Variants in NALF1 observed in about 807,000 individuals in gnomAD.
NALF1 encodes the protein family with sequence similarity 155 member A.
In NALF1, 3 loss-of-function variants were observed where a neutral mutation model predicts 48.4. That is an observed-to-expected ratio of 0.06 (90% CI 0.03 to 0.16). The LOEUF (loss-of-function observed/expected upper bound fraction) is 0.16. Among genes scored for constraint, NALF1 ranks in the 10% least tolerant of loss-of-function variants. The pLI is 1.00. For synonymous variants in NALF1, 262 were observed against 245.7 expected (o/e 1.07, Z -0.62); for missense variants, 526 against 571.5 (o/e 0.92, Z 0.81).
At chr13:107,175,063 G>C (rs2806523) in intron 2 of NALF1, among the ~76,000 whole-genome samples, 2 of 91,244 alleles carry the variant, frequency 2.2e-5, no homozygotes, top group Non-Finnish European at 4.4e-5. Flanking sequence ...TTTTTTTTTT[G>C]TATTTTTAGT....
At chr13:107,417,312 T>C (rs559071240) in intron 1 of NALF1, among the ~76,000 whole-genome samples, 1 of 152,294 alleles carries the variant, frequency 6.6e-6, no homozygotes, top group Non-Finnish European at 1.5e-5. Flanking sequence ...GAGTTCTTGT[T>C]CTATCAGGTA....
chr13:107,385,538 G>GC (rs1297298898), intron 1 of NALF1, among the ~76,000 whole-genome samples: 1 of 136,940 alleles, frequency 7.3e-6, no homozygotes, highest in Non-Finnish European at 1.5e-5. Context: ...GGGTGCCAGA[G>GC]CGAGATTCCA....
intron 1 of NALF1, among the ~76,000 whole-genome samples, chr13:107,778,780 T>C (rs1455366149): frequency 6.6e-6 from 1 of 152,096 alleles, no homozygotes; most frequent in Non-Finnish European, 1.5e-5. Flanking sequence ...TCCCCACTCA[T>C]TCATCAGGTC....
intron 1 of NALF1, among the ~76,000 whole-genome samples, chr13:107,421,459 A>G (rs973070353): frequency 6.6e-6 from 1 of 152,204 alleles, no homozygotes; most frequent in Non-Finnish European, 1.5e-5. Context: ...AAAAAACAGT[A>G]AATTATAAAT....
intron 1 of NALF1, among the ~76,000 whole-genome samples, chr13:107,227,978 GA>G (rs1345853664): frequency 2.6e-5 from 4 of 152,154 alleles, no homozygotes; most frequent in Non-Finnish European, 5.9e-5. Flanking sequence ...AGGAACCAAT[GA>G]AATCGCTATT....
At chr13:107,633,093 A>T (rs1879877316) in intron 1 of NALF1, among the ~76,000 whole-genome samples, 1 of 152,046 alleles carries the variant, frequency 6.6e-6, no homozygotes, top group African/African-American at 2.4e-5. Flanking sequence ...TTATTTTTGG[A>T]AACAGTCTTT....
intron 1 of NALF1, among the ~76,000 whole-genome samples, chr13:107,565,085 C>A (rs866360626): frequency 0.014 from 1,240 of 86,300 alleles, 20 homozygotes; most frequent in Middle Eastern, 0.06. Context: ...AAAAAAAAAA[C>A]CTAGCATAAG....
At chr13:107,390,210 T>C (rs1883600046) in intron 1 of NALF1, among the ~76,000 whole-genome samples, 1 of 151,960 alleles carries the variant, frequency 6.6e-6, no homozygotes, top group Non-Finnish European at 1.5e-5. Flanking sequence ...ATATAAAAAT[T>C]AGCCTGGCGT....
intron 1 of NALF1, among the ~76,000 whole-genome samples, chr13:107,254,062 A>AAAAAAAAAAAAATATATAT: frequency 3.6e-5 from 5 of 138,572 alleles, no homozygotes; most frequent in East Asian, 4.1e-4. Flanking sequence ...CAAGTACTAA[A>AAAAAAAAAAAAATATATAT]ATATATATAT....
At chr13:107,688,114 T>A (rs976836049) in intron 1 of NALF1, among the ~76,000 whole-genome samples, 1 of 152,202 alleles carries the variant, frequency 6.6e-6, no homozygotes, top group Non-Finnish European at 1.5e-5. Flanking sequence ...ATGTGGTAAA[T>A]GTGTGCTAAA....
chr13:107,590,607 G>C (rs1325548986), intron 1 of NALF1, among the ~76,000 whole-genome samples: 1 of 151,916 alleles, frequency 6.6e-6, no homozygotes, highest in Non-Finnish European at 1.5e-5. Flanking sequence ...ATTTAAAATG[G>C]AGTTATTCTC....
chr13:107,559,941 G>A (rs9520491), intron 1 of NALF1, among the ~76,000 whole-genome samples: 53,423 of 151,944 alleles, frequency 0.35, 10,376 homozygotes, highest in Non-Finnish European at 0.45. Context: ...TTGGACTAAA[G>A]GGGGATCCAC....
intron 1 of NALF1, among the ~76,000 whole-genome samples, chr13:107,268,859 G>A (rs1169614558): frequency 2.6e-5 from 4 of 152,178 alleles, no homozygotes; most frequent in Non-Finnish European, 5.9e-5. Flanking sequence ...AGTAACTGAA[G>A]GGCCAGATTT....
chr13:107,586,635 A>ATTTTTTTTTTTTTTTTTTTTCTTTTTT (rs61429641), intron 1 of NALF1, among the ~76,000 whole-genome samples: 1 of 93,122 alleles, frequency 1.1e-5, no homozygotes, highest in African/African-American at 4.6e-5. Flanking sequence ...CCCTATGGAG[A>ATTTTTTTTTTTTTTTTTTTTCTTTTTT]TTTTTTTTTT....
chr13:107,595,469 T>C (rs1878717937), intron 1 of NALF1, among the ~76,000 whole-genome samples: 1 of 152,130 alleles, frequency 6.6e-6, no homozygotes, highest in Non-Finnish European at 1.5e-5. Context: ...AACATTTTTC[T>C]AATATTGCCT....
intron 1 of NALF1, among the ~76,000 whole-genome samples, chr13:107,782,862 G>A (rs1329741553): frequency 2.7e-5 from 4 of 150,190 alleles, no homozygotes; most frequent in East Asian, 2.0e-4. Flanking sequence ...CCCGGCAGCC[G>A]CCCCGTCTGG....
At chr13:107,247,220 C>G (rs1198074307) in intron 1 of NALF1, among the ~76,000 whole-genome samples, 1 of 152,140 alleles carries the variant, frequency 6.6e-6, no homozygotes, top group Non-Finnish European at 1.5e-5. Flanking sequence ...ACCAGTTACC[C>G]TAAGCATGGA....
At chr13:107,209,183 T>C (rs1806996613) in intron 2 of NALF1, among the ~76,000 whole-genome samples, 1 of 152,196 alleles carries the variant, frequency 6.6e-6, no homozygotes. Context: ...CAGTCACGTG[T>C]TCTTTCCACA....
intron 1 of NALF1, among the ~76,000 whole-genome samples, chr13:107,677,864 A>T (rs191735312): frequency 1.1e-4 from 16 of 152,350 alleles, no homozygotes; most frequent in African/African-American, 3.4e-4. Context: ...GAGACCTGTA[A>T]TTCAGATGGT....
Sources: allele counts gnomAD v4.1 joint callset (sites outside exome capture counted in the v4.1 genomes callset), GRCh38; gene constraint gnomAD v4.1.1; transcripts MANE v1.5; gene names NCBI Gene and HGNC (gene_info 2026-07-23, HGNC 2026-07-21).